SNTG1: variants seen among roughly 807,000 people sequenced by gnomAD.
The protein encoded by SNTG1 is syntrophin gamma 1.
Under a neutral mutation model 74.7 loss-of-function variants are expected in SNTG1, and 39 were observed. That is an observed-to-expected ratio of 0.52 (90% CI 0.40 to 0.68). The LOEUF is 0.68. SNTG1 is among the 30% of genes least tolerant of loss of function. The probability of loss-of-function intolerance (pLI) is 0.00; values close to 1 mark genes in which losing one functional copy is unlikely to be tolerated. For missense variants in SNTG1, 685 were observed against 609.5 expected (o/e 1.12, Z -1.30); for synonymous variants, 254 against 217.1 (o/e 1.17, Z -1.49).
chr8:50,769,518 C>T (rs1585747907), intron 18 of SNTG1, among the ~76,000 whole-genome samples: 2 of 151,932 alleles, frequency 1.3e-5, no homozygotes, highest in East Asian at 1.9e-4. Context: ...ACACCATCAT[C>T]ATCAAAGCAT....
At chr8:50,674,174 A>G (rs1400741555) in intron 15 of SNTG1, among the ~76,000 whole-genome samples, 1 of 152,002 alleles carries the variant, frequency 6.6e-6, no homozygotes, top group African/African-American at 2.4e-5. Context: ...TGGTATTAGG[A>G]TTACACTGGC....
rs368401751 is a variant in SNTG1, at chr8:50,569,257, C to A, written c.810+16078C>A. ...ATGTATTAATTCTAAAGAAAAAGCA[C>A]GGATAGCCAGTCCCTCTGTGGGATG... On this transcript the variant is annotated intron_variant, in intron 12 of 18. Transcript: ENST00000642720. 8.5e-5 allele frequency among the ~76,000 whole-genome samples: 13 copies of A among 152,076 alleles called. 1 individual carries two copies. Among genetic ancestry groups the A allele is most frequent in the African/African-American group, 2.9e-4 (12 of 41,416 alleles).
At position 50,431,871 on chromosome 8, in the gene SNTG1, G is replaced by C. The variant is rs143759244; in HGVS notation, c.163-6672G>C. Among the ~76,000 whole-genome samples, 527 of 152,058 alleles carry C rather than the reference G, an allele frequency of 3.5e-3. 3 individuals are homozygous for C. The highest frequency in any genetic ancestry group is 0.012 in the African/African-American group (507 of 41,500). On this transcript the variant is annotated intron_variant, in intron 4 of 18. Transcript: ENST00000642720. ...CAAATACTTCAGCCACTTTTTAATT[G>C]GGTTGTTTGTGTTCTTACTGAGTGT... is the stretch of plus-strand genomic sequence containing the variant.
At chr8:50,512,641 C>G (rs977676234) in intron 9 of SNTG1, among the ~76,000 whole-genome samples, 1 of 152,106 alleles carries the variant, frequency 6.6e-6, no homozygotes, top group African/African-American at 2.4e-5. Flanking sequence ...CTCTAAACTT[C>G]TCTTCTAGCT....
At chr8:50,633,644 C>A (rs2095018917) in intron 13 of SNTG1, among the ~76,000 whole-genome samples, 1 of 152,192 alleles carries the variant, frequency 6.6e-6, no homozygotes, top group Non-Finnish European at 1.5e-5. Flanking sequence ...GTGGGCTGTG[C>A]ACTAAAGTCT....
chr8:50,779,839 T>C (rs549183759), intron 18 of SNTG1, among the ~76,000 whole-genome samples: 1 of 152,270 alleles, frequency 6.6e-6, no homozygotes, highest in East Asian at 1.9e-4. Context: ...GGCTGTGGGT[T>C]TGTCACAGAT....
At chr8:49,949,839 T>A (rs1809540861) in intron 1 of SNTG1, among the ~76,000 whole-genome samples, 1 of 152,234 alleles carries the variant, frequency 6.6e-6, no homozygotes, top group Non-Finnish European at 1.5e-5. Context: ...ATATTTCAGT[T>A]ACTATTAAAG....
chr8:50,225,846 G>A (rs1014855481), intron 2 of SNTG1, among the ~76,000 whole-genome samples: 4 of 152,102 alleles, frequency 2.6e-5, no homozygotes, highest in Non-Finnish European at 2.9e-5. Flanking sequence ...TATCCATTTT[G>A]TTTACTTTAT....
chr8:50,158,842 G>C (rs570008331), intron 1 of SNTG1, among the ~76,000 whole-genome samples: 59 of 152,194 alleles, frequency 3.9e-4, no homozygotes, highest in Non-Finnish European at 4.9e-4. Flanking sequence ...GTATATATCT[G>C]GTGATAGAAT....
At chr8:50,611,253 C>T (rs1449705610) in intron 13 of SNTG1, among the ~76,000 whole-genome samples, 1 of 152,142 alleles carries the variant, frequency 6.6e-6, no homozygotes, top group Non-Finnish European at 1.5e-5. Flanking sequence ...ACAGCATCAT[C>T]TCACTCTCCT....
chr8:50,326,358 A>T (rs2090748660), intron 2 of SNTG1, among the ~76,000 whole-genome samples: 1 of 151,930 alleles, frequency 6.6e-6, no homozygotes, highest in Non-Finnish European at 1.5e-5. Context: ...TATTGCTTCA[A>T]TTTCTTTTAT....
At chr8:50,230,344 T>A (rs1333539014) in intron 2 of SNTG1, among the ~76,000 whole-genome samples, 1 of 151,100 alleles carries the variant, frequency 6.6e-6, no homozygotes, top group Admixed American at 6.6e-5. Context: ...AGACATAAAT[T>A]ACCAATATTA....
rs1563810426 is a variant in SNTG1 at position 50,259,523 on chromosome 8, AGAAAGAAAGAAAGAAAGAAAGAAAG to A, written c.-28+86889_-28+86913del. Among the ~76,000 whole-genome samples, 60 of 11,866 alleles carry A rather than the reference AGAAAGAAAGAAAGAAAGAAAGAAAG, an allele frequency of 5.1e-3. 9 individuals carry two copies. The highest frequency in any genetic ancestry group is 6.3e-3 in the African/African-American group (57 of 9,084). The allele number at this position is 11,866 out of a possible 152,430, so 7.8% of individuals were successfully genotyped here. ...CAAAAAAAAAAAAAGAAAGAAAGAA[AGAAAGAAAGAAAGAAAGAAAGAAAG>A]AAAGAAAGAAAGAAAGAAAGAAAGA... On this transcript the variant is annotated intron_variant, in intron 2 of 18. Coordinates refer to ENST00000642720, the MANE Select transcript of SNTG1 (RefSeq NM_018967.5).
intron 12 of SNTG1, among the ~76,000 whole-genome samples, chr8:50,564,571 T>C (rs548610563): frequency 1.3e-5 from 2 of 152,246 alleles, no homozygotes; most frequent in East Asian, 1.9e-4. Context: ...CTCCCTCCCA[T>C]ACTCAAGTAT....
intron 1 of SNTG1, among the ~76,000 whole-genome samples, chr8:50,131,376 G>GT (rs1175605471): frequency 6.6e-6 from 1 of 152,060 alleles, no homozygotes; most frequent in East Asian, 1.9e-4. Context: ...ACAACATTAA[G>GT]TTTTGTTATA....
intron 2 of SNTG1, among the ~76,000 whole-genome samples, chr8:50,375,625 C>A (rs939690378): frequency 7.9e-5 from 12 of 151,992 alleles, no homozygotes; most frequent in Admixed American, 6.6e-5. Context: ...GATATTATTC[C>A]CATGTAAAAG....
intron 2 of SNTG1, among the ~76,000 whole-genome samples, chr8:50,185,218 T>C (rs1159383710): frequency 6.6e-6 from 1 of 152,100 alleles, no homozygotes; most frequent in Non-Finnish European, 1.5e-5. Context: ...CTCATGATAA[T>C]GACTGAGTCT....
At chr8:50,613,480 G>A (rs1219375492) in intron 13 of SNTG1, among the ~76,000 whole-genome samples, 1 of 152,110 alleles carries the variant, frequency 6.6e-6, no homozygotes, top group South Asian at 2.1e-4. Flanking sequence ...TTATGATCAG[G>A]TGAAGTACAG....
intron 15 of SNTG1, among the ~76,000 whole-genome samples, chr8:50,695,606 A>C (rs1162794263): frequency 5.9e-5 from 9 of 151,666 alleles, no homozygotes; most frequent in Admixed American, 5.9e-4. Context: ...GTAAATTTTT[A>C]ATCTTTACCC....
Sources: gnomAD v4.1 joint callset for allele counts (sites outside exome capture counted in the v4.1 genomes callset) on GRCh38, gnomAD v4.1.1 for gene constraint, MANE v1.5 for transcripts, NCBI Gene and HGNC (gene_info 2026-07-23, HGNC 2026-07-21) for gene names.